The following MBP variants were observed in gnomAD, a reference collection of about 807,000 sequenced individuals.
MBP encodes Golli-MBP.
In MBP, 16 loss-of-function variants were observed where a neutral mutation model predicts 35.8. The observed-to-expected ratio is 0.45, with a 90% CI of 0.30 to 0.68. MBP has a LOEUF of 0.68. Ranked by LOEUF, MBP falls within the 30% of genes least tolerant of loss-of-function variation. MBP has a pLI of 0.08. For missense variants in MBP, 380 were observed against 404.7 expected, an observed-to-expected ratio of 0.94 and a Z score of 0.52; for synonymous variants, 143 against 159.6, an observed-to-expected ratio of 0.90 and a Z score of 0.78.
chr18:77,056,029 C>T (rs964564995), intron 3 of MBP, among the ~76,000 whole-genome samples: 4 of 152,266 alleles, frequency 2.6e-5, no homozygotes, highest in African/African-American at 4.8e-5. Flanking sequence ...GAGCGTGCTG[C>T]GCTCCACTGA....
chr18:77,117,674 C>T (rs941552486), intron 1 of MBP, among the ~76,000 whole-genome samples: 1 of 149,840 alleles, frequency 6.7e-6, no homozygotes, highest in East Asian at 2.0e-4. Context: ...TCCTAGTTGA[C>T]CCTGATCTCA....
chr18:77,072,833 C>A (rs1250481881), intron 2 of MBP, among the ~76,000 whole-genome samples: 2 of 152,214 alleles, frequency 1.3e-5, no homozygotes, highest in Non-Finnish European at 2.9e-5. Context: ...GGACAGTGGT[C>A]CCCATCTTGC....
chr18:77,058,534 C>A (rs944624807), intron 3 of MBP, among the ~76,000 whole-genome samples: 30 of 152,220 alleles, frequency 2.0e-4, no homozygotes, highest in Non-Finnish European at 4.0e-4. Flanking sequence ...CCACAGGGGA[C>A]GAGCTGTTCC....
chr18:76,996,749 G>A (rs1970292411), intron 4 of MBP, among the ~76,000 whole-genome samples: 1 of 152,178 alleles, frequency 6.6e-6, no homozygotes, highest in Non-Finnish European at 1.5e-5. Context: ...GGAGGGGGAC[G>A]TGGGAGGATT....
intron 4 of MBP, among the ~76,000 whole-genome samples, chr18:76,998,854 C>T (rs1970473911): frequency 6.6e-6 from 1 of 152,120 alleles, no homozygotes; most frequent in South Asian, 2.1e-4. Context: ...GCCCCTTGCT[C>T]ACCACAAACC....
chr18:77,029,304 G>T (rs898917042), intron 3 of MBP, among the ~76,000 whole-genome samples: 3 of 149,882 alleles, frequency 2.0e-5, no homozygotes, highest in Non-Finnish European at 4.5e-5. Context: ...GCAGGCACTC[G>T]GCAGGCTGAG....
At chr18:77,119,856 C>T (rs1444415110) in intron 1 of MBP, among the ~76,000 whole-genome samples, 2 of 152,208 alleles carry the variant, frequency 1.3e-5, no homozygotes. Context: ...TGTGGACCAG[C>T]TCCCTTCCCT....
intron 4 of MBP, among the ~76,000 whole-genome samples, chr18:77,000,680 T>A (rs1356026106): frequency 1.3e-5 from 2 of 152,238 alleles, no homozygotes; most frequent in African/African-American, 4.8e-5. Context: ...CCTGTTTCTC[T>A]CCAGAAATCA....
intron 3 of MBP, among the ~76,000 whole-genome samples, chr18:77,046,923 A>C (rs79508424): frequency 0.027 from 4,090 of 152,328 alleles, 129 homozygotes; most frequent in East Asian, 0.1. Context: ...AGAATCTCTG[A>C]TGCCAGGAAA....
intron 3 of MBP, among the ~76,000 whole-genome samples, chr18:77,041,357 G>A (rs1427348468): frequency 6.6e-6 from 1 of 152,170 alleles, no homozygotes; most frequent in Non-Finnish European, 1.5e-5. Flanking sequence ...AACCATTGTG[G>A]AAGTCAGTGT....
chr18:77,008,541 G>A (rs1971133746), intron 4 of MBP, among the ~76,000 whole-genome samples: 1 of 152,078 alleles, frequency 6.6e-6, no homozygotes, highest in African/African-American at 2.4e-5. Context: ...CTCCACCCCT[G>A]TGGCTTCAGG....
At chr18:77,070,428 G>A (rs1410459721) in intron 2 of MBP, among the ~76,000 whole-genome samples, 1 of 152,214 alleles carries the variant, frequency 6.6e-6, no homozygotes, top group Non-Finnish European at 1.5e-5. Context: ...GTGGGAATTT[G>A]CTGCAGAAGC....
chr18:77,072,721 G>A (rs189984866), intron 2 of MBP, among the ~76,000 whole-genome samples: 27 of 152,316 alleles, frequency 1.8e-4, no homozygotes, highest in Admixed American at 6.5e-4. Flanking sequence ...AGGACTCCTG[G>A]TGTGGCAGCA....
chr18:76,996,716 G>A (rs1335310471), intron 4 of MBP, among the ~76,000 whole-genome samples: 1 of 152,122 alleles, frequency 6.6e-6, no homozygotes, highest in African/African-American at 2.4e-5. Flanking sequence ...GGAGTGGAGG[G>A]AGGGTGCAGT....
intron 2 of MBP, among the ~76,000 whole-genome samples, chr18:77,097,759 G>A (rs1975822084): frequency 6.6e-6 from 1 of 152,158 alleles, no homozygotes. Context: ...CATTTGGATG[G>A]GTCTGCAGAG....
rs764950469 is a variant in MBP at position 77,102,349 on chromosome 18, G to A, written c.51+2862C>T. Among the ~76,000 whole-genome samples the A allele has an allele frequency of 6.6e-6, 1 of 152,218 alleles. No individual in the cohort carries two copies. The highest frequency in any genetic ancestry group is 1.5e-5 in the Non-Finnish European group (1 of 68,044). ...GCCTCCCAGAATCACACACAGAAAT[G>A]TGCAGAGTGGTAGGTGACACGGCTG... is the stretch of plus-strand genomic sequence containing the variant. On this transcript the variant is annotated intron_variant, in intron 2 of 8. Coordinates refer to ENST00000355994, the MANE Select transcript of MBP (RefSeq NM_001025101.2). This position sits in a 1 kb window ranked among gnomAD's most constrained non-coding sequence, Gnocchi z 4.4.
intron 3 of MBP, chr18:77,065,738 A>G (rs1974167204): frequency 6.5e-6 from 1 of 153,208 alleles, no homozygotes; most frequent in Non-Finnish European, 1.5e-5. Context: ...CCATACAGTG[A>G]GCCTGGGAAA....
At chr18:77,114,252 T>C (rs1453452367) in intron 1 of MBP, 2 of 152,236 alleles carry the variant, frequency 1.3e-5, no homozygotes, top group Admixed American at 1.3e-4. Context: ...AATGACGAGA[T>C]TGCAGAAAAG....
intron 3 of MBP, among the ~76,000 whole-genome samples, chr18:77,036,119 C>A (rs1255171662): frequency 6.7e-6 from 1 of 149,970 alleles, no homozygotes; most frequent in Non-Finnish European, 1.5e-5. Context: ...AAGTGCTGGT[C>A]ACATTTTGGA....
Sources: allele counts gnomAD v4.1 joint callset (sites outside exome capture counted in the v4.1 genomes callset), GRCh38; gene constraint gnomAD v4.1.1; non-coding constraint Gnocchi (gnomAD v3.1); transcripts MANE v1.5; gene names NCBI Gene and HGNC (gene_info 2026-07-23, HGNC 2026-07-21).